ZGPAT: variants seen among roughly 807,000 people sequenced by gnomAD.
ZGPAT encodes zinc finger CCCH-type with G patch domain-containing protein.
A neutral mutation model predicts 47.9 loss-of-function variants in ZGPAT; 39 were observed. The ratio of observed to expected loss-of-function variants is 0.81; its 90% CI spans 0.63 to 1.06. The LOEUF (loss-of-function observed/expected upper bound fraction) is 1.06. ZGPAT is among the 50% of genes least tolerant of loss of function. ZGPAT has a pLI of 0.00. For missense variants in ZGPAT, 717 were observed against 681.4 expected, an observed-to-expected ratio of 1.05 and a Z score of -0.58; for synonymous variants, 348 against 292.9, an observed-to-expected ratio of 1.19 and a Z score of -1.92.
At chr20:63,725,906 C>G (rs1449686086) in intron 2 of ZGPAT, among the ~76,000 whole-genome samples, 4 of 151,578 alleles carry the variant, frequency 2.6e-5, no homozygotes, top group Non-Finnish European at 5.9e-5. Flanking sequence ...GATTTCGGCT[C>G]ACTGCAACCT....
chr20:63,710,159 C>CTT (rs917583273), intron 2 of ZGPAT, among the ~76,000 whole-genome samples: 2 of 138,386 alleles, frequency 1.4e-5, no homozygotes, highest in Non-Finnish European at 3.1e-5. Context: ...CGCGCCTGGC[C>CTT]TTTTTTTTTT....
At chr20:63,723,791 C>G (rs553339844) in intron 2 of ZGPAT, among the ~76,000 whole-genome samples, 1 of 152,262 alleles carries the variant, frequency 6.6e-6, no homozygotes, top group Non-Finnish European at 1.5e-5. Context: ...AAGAAGTTGC[C>G]TGGAGGCAGT....
chr20:63,731,392 G>C (rs1329461877), intron 2 of ZGPAT, among the ~76,000 whole-genome samples: 1 of 150,542 alleles, frequency 6.6e-6, no homozygotes. Flanking sequence ...AAAGTGTACA[G>C]TTGGCCCTTG....
intron 2 of ZGPAT, among the ~76,000 whole-genome samples, chr20:63,718,984 T>G (rs1421541240): frequency 6.6e-6 from 1 of 150,910 alleles, no homozygotes; most frequent in Non-Finnish European, 1.5e-5. Flanking sequence ...GAGAATGGCG[T>G]GAACCCGGGA....
intron 2 of ZGPAT, among the ~76,000 whole-genome samples, chr20:63,712,715 G>A (rs928291616): frequency 6.6e-6 from 1 of 152,148 alleles, no homozygotes; most frequent in Non-Finnish European, 1.5e-5. Flanking sequence ...GGCCAACGTG[G>A]TGAAACCCCG....
chr20:63,709,038 T>C lies in ZGPAT; in HGVS notation c.458T>C (p.Val153Ala), dbSNP rs780078001. ...GTLEYHNAMV[V>A]GTEEAEDGSA... ...CTGGAGTATCACAACGCCATGGTGGTGGGAACGGAAGAGGCGGAGGATGGC... is the reference window on the plus strand; with the variant it reads ...CTGGAGTATCACAACGCCATGGTGGCGGGAACGGAAGAGGCGGAGGATGGC... The change falls in exon 2 of 7, where the codon GTG (valine) becomes GCG (alanine). Residue 153 changes from valine to alanine, a missense_variant. Coordinates refer to ENST00000355969, the MANE Select transcript of ZGPAT (RefSeq NM_181485.3). The C allele has an allele frequency of 6.2e-7, 1 of 1,613,552 alleles. No homozygotes were observed. The highest frequency in any genetic ancestry group is 8.5e-7 in the Non-Finnish European group (1 of 1,179,956).
chr20:63,731,774 C>T (rs1386837608), intron 2 of ZGPAT, among the ~76,000 whole-genome samples: 2 of 152,120 alleles, frequency 1.3e-5, no homozygotes, highest in African/African-American at 4.8e-5. Context: ...CTGCAGGTTC[C>T]ATATCCATCA....
In ZGPAT at chr20:63,730,047, C is replaced by CACAA. The variant is rs1429442930; in HGVS notation, c.585-3171_585-3170insCAAA. The CACAA allele has an allele frequency of 3.9e-5, 6 of 152,152 alleles. No homozygotes were observed. In the South Asian group the frequency reaches 6.2e-4, roughly 16 times the overall value. 9.4% of individuals were successfully genotyped at this position (152,152 alleles called of 1,614,324 possible). On this transcript the variant is annotated intron_variant, in intron 2 of 6. Coordinates refer to ENST00000355969, the MANE Select transcript of ZGPAT (RefSeq NM_181485.3). The stretch of plus-strand genomic sequence containing the variant: ...ACACACACACACACACACACACACA[C>CACAA]AAAATAATAGAAGCACTTTCTGGGT...
At chr20:63,731,949 A>G (rs115049065) in intron 2 of ZGPAT, among the ~76,000 whole-genome samples, 1,654 of 152,320 alleles carry the variant, frequency 0.011, 33 homozygotes, top group African/African-American at 0.037. Flanking sequence ...ATATGCAAAC[A>G]CTATGTCATT....
chr20:63,736,037 G>C lies in ZGPAT; in HGVS notation c.*118G>C. 2 of 1,423,384 alleles carry C rather than the reference G, an allele frequency of 1.4e-6. No homozygotes were observed. Among genetic ancestry groups the C allele is most frequent in the South Asian group, 2.8e-5 (2 of 70,876 alleles). 88.2% of individuals were successfully genotyped at this position (1,423,384 alleles called of 1,614,324 possible). A position where few individuals can be genotyped will look rare whatever the true frequency, so the allele number is the denominator to read the frequency against. On this transcript the variant is annotated 3_prime_UTR_variant, in exon 7 of 7. Transcript: ENST00000355969. The stretch of plus-strand genomic sequence containing the variant: ...GCCTGGGGCGTGCAGACACTGCTGA[G>C]TGGAGACAGAGCTGCGGGGTCCCAT...
intron 5 of ZGPAT, 80 bp downstream of exon 5, chr20:63,734,904 C>T: frequency 6.8e-7 from 1 of 1,474,552 alleles, no homozygotes. Context: ...TTCCCGGGGT[C>T]CCGCAGCCAT....
At chr20:63,715,837 G>T (rs62217798) in intron 2 of ZGPAT, among the ~76,000 whole-genome samples, 142,200 of 150,716 alleles carry the variant, frequency 0.94, 67,113 homozygotes, top group South Asian at 0.98. Flanking sequence ...CATATATAGA[G>T]AGAGAGAGAG....
chr20:63,733,134 C>T, intron 2 of ZGPAT, 85 bp from the exon 3 acceptor site: 1 of 1,551,386 alleles, frequency 6.4e-7, no homozygotes. Context: ...CAGGACAGTG[C>T]CCAGGCGGAT....
At position 63,709,172 on chromosome 20, in the gene ZGPAT, C is replaced by T. The variant is rs772870245; in HGVS notation, c.584+8C>T. 5 of 1,606,780 alleles carry T rather than the reference C, an allele frequency of 3.1e-6. No individual in the cohort carries two copies. Among genetic ancestry groups the T allele is most frequent in the South Asian group, 1.1e-5 (1 of 91,080 alleles). ...CTTTAAGGAGAACTGCAGGTAAAGC[C>T]CTTTGTTGTCAGATGCCAACCTTAG... On this transcript the variant is annotated splice_region_variant and intron_variant, in intron 2 of 6. Coordinates refer to ENST00000355969, the MANE Select transcript of ZGPAT (RefSeq NM_181485.3).
intron 2 of ZGPAT, among the ~76,000 whole-genome samples, chr20:63,731,833 GC>G (rs2091907704): frequency 6.6e-6 from 1 of 152,222 alleles, no homozygotes; most frequent in Non-Finnish European, 1.5e-5. Context: ...AAGGATGGCT[GC>G]GTCTGTACAC....
At position 63,709,139 on chromosome 20, in the gene ZGPAT, A is replaced by T. The variant is rs1326567226; in HGVS notation, c.559A>T (p.Lys187Ter). Residue 187 changes from lysine (K) to a stop codon, truncating the protein, a stop_gained, in exon 2 of 7, where the codon AAG becomes TAG. Coordinates refer to ENST00000355969, the MANE Select transcript of ZGPAT (RefSeq NM_181485.3). LOFTEE classifies it high-confidence loss of function. ...GCCGTGCCCGTTCTTCCTGGAGGGAAAGTGCCGCTTTAAGGAGAACTGCAG... is the reference window on the plus strand; with the variant it reads ...GCCGTGCCCGTTCTTCCTGGAGGGATAGTGCCGCTTTAAGGAGAACTGCAG... ...LKPCPFFLEG[K>*]CRFKENCRFS... The T allele has an allele frequency of 1.2e-6, 2 of 1,611,968 alleles. No individual in the cohort carries two copies. The highest frequency in any genetic ancestry group is 2.2e-5 in the South Asian group (2 of 91,086).
At chr20:63,724,191 C>G (rs1031560220) in intron 2 of ZGPAT, among the ~76,000 whole-genome samples, 11 of 151,930 alleles carry the variant, frequency 7.2e-5, no homozygotes, top group African/African-American at 2.7e-4. Context: ...CATGGTGAAA[C>G]CCCGTCTCTA....
Position 63,708,851 on chromosome 20 carries a change from G to A in ZGPAT, c.271G>A (p.Glu91Lys). Reference protein sequence around the residue: ...AFREAITEAVEAPAAARGSGS... With the variant: ...AFREAITEAVKAPAAARGSGS... The stretch of plus-strand genomic sequence containing the variant: ...CCGGGAGGCCATCACTGAGGCGGTG[G>A]AGGCACCAGCAGCGGCCCGTGGGTC... Residue 91 changes from glutamate (E) to lysine (K), a missense_variant, in exon 2 of 7, where the codon GAG becomes AAG. Glu to Lys is a moderately conservative substitution (Grantham distance 56, BLOSUM62 1). Coordinates refer to ENST00000355969, the MANE Select transcript of ZGPAT (RefSeq NM_181485.3). 1 of 1,607,216 alleles carries A rather than the reference G, an allele frequency of 6.2e-7. No individual in the cohort carries two copies. Among genetic ancestry groups the A allele is most frequent in the Non-Finnish European group, 8.5e-7 (1 of 1,176,306 alleles).
At chr20:63,709,661 G>C (rs1418175685) in intron 2 of ZGPAT, among the ~76,000 whole-genome samples, 1 of 151,760 alleles carries the variant, frequency 6.6e-6, no homozygotes, top group African/African-American at 2.4e-5. Context: ...CCAGCCTATC[G>C]TCAGTTTTTT....
Sources: allele counts gnomAD v4.1 joint callset (sites outside exome capture counted in the v4.1 genomes callset), GRCh38; gene constraint gnomAD v4.1.1; transcripts MANE v1.5; gene names NCBI Gene and HGNC (gene_info 2026-07-23, HGNC 2026-07-21).